Variants in BDH2 observed in about 807,000 individuals in gnomAD.
The protein encoded by BDH2 is 3-hydroxybutyrate dehydrogenase 2.
Under a neutral mutation model 33.2 loss-of-function variants are expected in BDH2, and 24 were observed. The ratio of observed to expected loss-of-function variants is 0.72; its 90% CI spans 0.52 to 1.02. The LOEUF is 1.02. Among genes scored for constraint, BDH2 ranks in the 50% least tolerant of loss-of-function variants. The pLI is 0.00. For missense variants in BDH2, 249 were observed against 301.6 expected (o/e 0.83, Z 1.29); for synonymous variants, 81 against 101.6 (o/e 0.80, Z 1.22).
rs1747350254 is a variant in BDH2, at chr4:103,078,565, A to G, written c.*1137T>C. ...ATCCGTTAAGTATAAACACTGGATT[A>G]TTTTTCATAACATAACAGGTCAACA... is the stretch of plus-strand genomic sequence containing the variant. On this transcript the variant is annotated 3_prime_UTR_variant, in exon 10 of 10. Transcript: ENST00000296424. 1.3e-5 allele frequency among the ~76,000 whole-genome samples: 2 copies of G among 152,278 alleles called. No individual in the cohort carries two copies. Among genetic ancestry groups the G allele is most frequent in the South Asian group, 2.1e-4 (1 of 4,824 alleles).
At chr4:103,085,487 A>T (rs1020277539) in intron 6 of BDH2, 25 bp from the exon 7 acceptor site, 4 of 1,575,568 alleles carry the variant, frequency 2.5e-6, no homozygotes, top group Admixed American at 1.7e-5. Context: ...AAGGTTCAAC[A>T]ATTGAAGGAA....
At chr4:103,091,399 C>G (rs1748081395) in intron 4 of BDH2, 114 bp from the exon 5 acceptor site, 1 of 648,722 alleles carries the variant, frequency 1.5e-6, no homozygotes, top group Non-Finnish European at 2.8e-6. Flanking sequence ...TTTCCCTTAT[C>G]AAGACTTTAA....
chr4:103,096,163 G>T lies in BDH2; in HGVS notation c.72+20C>A, dbSNP rs1748391945. On this transcript the variant is annotated intron_variant, in intron 2 of 9. Transcript: ENST00000296424. The stretch of plus-strand genomic sequence containing the variant: ...CAAGAGTTAGTAGGCAAACAACAAA[G>T]ATAGTAACTTATAACTTACTAAGGC... 1.9e-6 allele frequency: 3 copies of T among 1,580,500 alleles called. No individual in the cohort carries two copies. The highest frequency in any genetic ancestry group is 2.6e-6 in the Non-Finnish European group (3 of 1,151,160).
intron 7 of BDH2, among the ~76,000 whole-genome samples, chr4:103,083,706 G>A (rs1240504276): frequency 6.6e-6 from 1 of 152,106 alleles, no homozygotes; most frequent in Non-Finnish European, 1.5e-5. Context: ...GGCAAATAAT[G>A]TGATCTTTCT....
chr4:103,090,829 TA>T (rs1295724124), intron 5 of BDH2, among the ~76,000 whole-genome samples: 3 of 152,176 alleles, frequency 2.0e-5, no homozygotes, highest in Non-Finnish European at 2.9e-5. Flanking sequence ...TCATTATATT[TA>T]AAACCACGCC....
chr4:103,091,919 T>G (rs1748119469), intron 4 of BDH2, among the ~76,000 whole-genome samples: 1 of 152,214 alleles, frequency 6.6e-6, no homozygotes, highest in South Asian at 2.1e-4. Flanking sequence ...CTGCTAGTGT[T>G]CTAACATACT....
chr4:103,085,342 T>C lies in BDH2; in HGVS notation c.532+7A>G, dbSNP rs767263970. 14 of 1,603,386 alleles carry C rather than the reference T, an allele frequency of 8.7e-6. No homozygotes were observed. The highest frequency in any genetic ancestry group is 1.1e-5 in the Non-Finnish European group (13 of 1,174,270). On this transcript the variant is annotated splice_region_variant and intron_variant, in intron 7 of 9. Coordinates refer to ENST00000296424, the MANE Select transcript of BDH2 (RefSeq NM_020139.4). ...CTTTGCTTACAAAACAGGTGTGCCT[T>C]ACTCACCTGGGCACACACAGTTGCA...
chr4:103,081,758 T>G (rs530283150), intron 9 of BDH2, among the ~76,000 whole-genome samples: 1 of 152,338 alleles, frequency 6.6e-6, no homozygotes, highest in Non-Finnish European at 1.5e-5. Flanking sequence ...AGGTTCAATT[T>G]TTTGACTTGC....
intron 6 of BDH2, 103 bp from the exon 7 acceptor site, chr4:103,085,565 C>A: frequency 7.1e-7 from 1 of 1,416,630 alleles, no homozygotes; most frequent in Non-Finnish European, 9.6e-7. Context: ...TTCATGCTTT[C>A]TCCCACATTC....
Position 103,079,765 on chromosome 4 carries a change from T to C in BDH2, c.685-10A>G, listed in dbSNP as rs12508269. The C allele has an allele frequency of 0.11, 173,494 of 1,610,560 alleles. 10,201 individuals are homozygous for C. The highest frequency in any genetic ancestry group is 0.2 in the South Asian group (18,055 of 90,938). On this transcript the variant is annotated splice_polypyrimidine_tract_variant and intron_variant, in intron 9 of 9. Coordinates refer to ENST00000296424, the MANE Select transcript of BDH2 (RefSeq NM_020139.4). Reference sequence around the variant, plus strand: ...CAGTTACATAAGCAGACTGCAGTGATAAACACAAGGAGACAGAACAATTAA... The same window carrying C: ...CAGTTACATAAGCAGACTGCAGTGACAAACACAAGGAGACAGAACAATTAA...
intron 2 of BDH2, 28 bp downstream of exon 2, chr4:103,096,155 A>T: frequency 6.4e-7 from 1 of 1,560,118 alleles, no homozygotes; most frequent in Non-Finnish European, 8.8e-7. Flanking sequence ...TAGTAGGCAA[A>T]CAACAAAGAT....
intron 1 of BDH2, among the ~76,000 whole-genome samples, chr4:103,096,877 A>C (rs1748435989): frequency 6.6e-6 from 1 of 152,100 alleles, no homozygotes; most frequent in African/African-American, 2.4e-5. Flanking sequence ...TCCTTCCTTC[A>C]GTACCTGGAG....
At chr4:103,096,653 G>T (rs1036347315) in intron 1 of BDH2, among the ~76,000 whole-genome samples, 1 of 150,682 alleles carries the variant, frequency 6.6e-6, no homozygotes, top group Non-Finnish European at 1.5e-5. Context: ...CAATTCTCCT[G>T]CCGCAGCCTC....
chr4:103,097,141 AT>A (rs1748450005), intron 1 of BDH2, among the ~76,000 whole-genome samples: 1 of 152,082 alleles, frequency 6.6e-6, no homozygotes, highest in South Asian at 2.1e-4. Flanking sequence ...CAATACTCCC[AT>A]TTTACAGATG....
At chr4:103,079,831 C>T in intron 9 of BDH2, 76 bp from the exon 10 acceptor site, 1 of 1,340,328 alleles carries the variant, frequency 7.5e-7, no homozygotes, top group Non-Finnish European at 1.1e-6. Flanking sequence ...TTTCCTGTGA[C>T]TAGGATAACT....
At chr4:103,086,634 A>G in intron 5 of BDH2, 94 bp from the exon 6 acceptor site, 2 of 1,462,318 alleles carry the variant, frequency 1.4e-6, no homozygotes, top group South Asian at 1.3e-5. Flanking sequence ...TAGGGTTTGC[A>G]GAATGAATTT....
intron 9 of BDH2, among the ~76,000 whole-genome samples, chr4:103,081,258 G>A (rs1450697597): frequency 6.6e-6 from 1 of 152,136 alleles, no homozygotes; most frequent in African/African-American, 2.4e-5. Context: ...GATTAAATTA[G>A]GAATTTCCAT....
At chr4:103,099,554 GA>G (rs1174189436) in intron 1 of BDH2, among the ~76,000 whole-genome samples, 2 of 152,056 alleles carry the variant, frequency 1.3e-5, no homozygotes, top group Non-Finnish European at 2.9e-5. Context: ...CAAGAGCCAG[GA>G]AGAAAACTCT....
intron 1 of BDH2, among the ~76,000 whole-genome samples, chr4:103,099,552 A>G (rs1748553356): frequency 6.6e-6 from 1 of 152,200 alleles, no homozygotes; most frequent in South Asian, 2.1e-4. Context: ...TTCAAGAGCC[A>G]GGAAGAAAAC....
Sources: allele counts gnomAD v4.1 joint callset (sites outside exome capture counted in the v4.1 genomes callset), GRCh38; gene constraint gnomAD v4.1.1; transcripts MANE v1.5; gene names NCBI Gene and HGNC (gene_info 2026-07-23, HGNC 2026-07-21).